CPB1: variants seen among roughly 807,000 people sequenced by gnomAD.
The protein encoded by CPB1 is carboxypeptidase B1.
In CPB1, 53 loss-of-function variants were observed where a neutral mutation model predicts 51.4. The ratio of observed to expected loss-of-function variants is 1.03; its 90% CI spans 0.83 to 1.30. The LOEUF is 1.30. CPB1 is among the 50% of genes most tolerant of loss of function. The pLI is 0.00. For missense variants in CPB1, 494 were observed against 516.2 expected, an observed-to-expected ratio of 0.96 and a Z score of 0.42; for synonymous variants, 189 against 186.9, an observed-to-expected ratio of 1.01 and a Z score of -0.09.
Position 148,846,825 on chromosome 3 carries a change from A to G in CPB1, c.981+1199A>G, listed in dbSNP as rs569621984. Among the ~76,000 whole-genome samples the G allele has an allele frequency of 6.7e-3, 741 of 110,636 alleles. 38 individuals carry two copies. The highest frequency in any genetic ancestry group is 0.023 in the African/African-American group (630 of 27,122). The allele number at this position is 110,636 out of a possible 152,430, so 72.6% of individuals were successfully genotyped here. Reference sequence around the variant, plus strand: ...TATATATATATATATATATATATATATATATATATATATATATGTTAGCAC... The same window carrying G: ...TATATATATATATATATATATATATGTATATATATATATATATGTTAGCAC... On this transcript the variant is annotated intron_variant, in intron 9 of 10. Coordinates refer to ENST00000282957, the MANE Select transcript of CPB1 (RefSeq NM_001871.3).
intron 9 of CPB1, among the ~76,000 whole-genome samples, chr3:148,847,846 T>TG (rs1713301622): frequency 6.6e-6 from 1 of 152,136 alleles, no homozygotes; most frequent in African/African-American, 2.4e-5. Context: ...ACAAGACAGG[T>TG]AACTAAAATG....
intron 9 of CPB1, chr3:148,854,628 C>A (rs1713523726): frequency 6.6e-6 from 1 of 152,194 alleles, no homozygotes; most frequent in Non-Finnish European, 1.5e-5. Context: ...GCACTCTGTA[C>A]CTCCACCCAA....
intron 2 of CPB1, among the ~76,000 whole-genome samples, chr3:148,828,889 G>A (rs575830629): frequency 3.3e-5 from 5 of 152,182 alleles, no homozygotes; most frequent in African/African-American, 1.2e-4. Flanking sequence ...ATAATCACAG[G>A]CTCAGAAGTT....
At chr3:148,847,372 TA>T (rs3043983) in intron 9 of CPB1, among the ~76,000 whole-genome samples, 10,713 of 86,574 alleles carry the variant, frequency 0.12, 500 homozygotes, top group Middle Eastern at 0.18. Flanking sequence ...AAATCATTCT[TA>T]AAAAAAAAAA....
chr3:148,852,608 A>G (rs1713463421), intron 9 of CPB1, among the ~76,000 whole-genome samples: 1 of 152,224 alleles, frequency 6.6e-6, no homozygotes, highest in Admixed American at 6.5e-5. Flanking sequence ...GAACCTACAA[A>G]TCCCCCATTA....
intron 8 of CPB1, among the ~76,000 whole-genome samples, chr3:148,844,983 A>G (rs1314701201): frequency 2.0e-5 from 3 of 152,142 alleles, no homozygotes; most frequent in South Asian, 2.1e-4. Context: ...TGCTGAAAAT[A>G]TAAGGCTGAA....
At chr3:148,842,861 G>A (rs368199312) in intron 6 of CPB1, among the ~76,000 whole-genome samples, 1 of 152,226 alleles carries the variant, frequency 6.6e-6, no homozygotes, top group Non-Finnish European at 1.5e-5. Context: ...TCAATATAAC[G>A]TAGCTTCAGA....
chr3:148,832,546 A>T (rs942471653), intron 2 of CPB1, among the ~76,000 whole-genome samples: 1 of 152,224 alleles, frequency 6.6e-6, no homozygotes, highest in African/African-American at 2.4e-5. Context: ...AAGGCAGCCA[A>T]CAAAGGAAAC....
intron 8 of CPB1, among the ~76,000 whole-genome samples, chr3:148,845,003 C>G (rs1450535718): frequency 6.6e-6 from 1 of 151,716 alleles, no homozygotes; most frequent in Non-Finnish European, 1.5e-5. Context: ...ACAAACCAGA[C>G]ATAATCCTAC....
At chr3:148,856,360 G>A (rs931085777) in intron 9 of CPB1, 4 of 152,086 alleles carry the variant, frequency 2.6e-5, no homozygotes, top group African/African-American at 7.2e-5. Flanking sequence ...GAAGTCTTAC[G>A]GCCACGCCCT....
In CPB1 at chr3:148,840,875, T is replaced by C. The variant is rs767038356; in HGVS notation, c.374T>C (p.Ile125Thr). 36 of 1,614,054 alleles carry C rather than the reference T, an allele frequency of 2.2e-5. No individual in the cohort carries two copies. Among genetic ancestry groups the C allele is most frequent in the Non-Finnish European group, 2.7e-5 (32 of 1,180,000 alleles). The change falls in exon 5 of 11, where the codon ATA (isoleucine) becomes ACA (threonine). Residue 125 changes from isoleucine to threonine, a missense_variant and splice_region_variant. Physicochemically the swap from Ile to Thr is moderately conservative, Grantham distance 89. Transcript: ENST00000282957. Reference protein sequence around the residue: ...SYEKYNKWETIEAWTQQVATE... With the variant: ...SYEKYNKWETTEAWTQQVATE... Reference sequence around the variant, plus strand: ...TCTACAAATGATTCCATTTGGTAGATAGAGGCTTGGACTCAACAAGTCGCC... The same window carrying C: ...TCTACAAATGATTCCATTTGGTAGACAGAGGCTTGGACTCAACAAGTCGCC...
chr3:148,857,536 C>T lies in CPB1; in HGVS notation c.1061C>T (p.Thr354Ile). 1 of 1,613,132 alleles carries T rather than the reference C, an allele frequency of 6.2e-7. No homozygotes were observed. Among genetic ancestry groups the T allele is most frequent in the Non-Finnish European group, 8.5e-7 (1 of 1,179,120 alleles). ...TKYTYGPGATTIYPAAGGSDD... is the reference protein window; with the variant it reads ...TKYTYGPGATIIYPAAGGSDD... ...TACACATATGGCCCGGGAGCTACAA[C>T]AATCTGTGAGTCTTGGCTTCAGAAC... Residue 354 changes from threonine to isoleucine, a missense_variant, in exon 10 of 11, where the codon ACA becomes ATA. By Grantham distance (89) the Thr-to-Ile change is moderately conservative. Coordinates refer to ENST00000282957, the MANE Select transcript of CPB1 (RefSeq NM_001871.3).
chr3:148,840,590 G>A, intron 3 of CPB1, 96 bp from the exon 4 acceptor site: 1 of 969,212 alleles, frequency 1.0e-6, no homozygotes. Context: ...AGTGCAATGT[G>A]CCATCTACTA....
At chr3:148,858,098 T>A (rs1036470086) in intron 10 of CPB1, among the ~76,000 whole-genome samples, 1 of 151,944 alleles carries the variant, frequency 6.6e-6, no homozygotes, top group Non-Finnish European at 1.5e-5. Context: ...GAACTAGCAG[T>A]AGGGAAGCAG....
chr3:148,830,484 G>T (rs1051934909), intron 2 of CPB1, among the ~76,000 whole-genome samples: 8 of 152,132 alleles, frequency 5.3e-5, no homozygotes, highest in Non-Finnish European at 5.9e-5. Flanking sequence ...ATAGGAGATT[G>T]TTGTGAGAGG....
At chr3:148,849,601 A>C (rs1713363246) in intron 9 of CPB1, among the ~76,000 whole-genome samples, 1 of 152,082 alleles carries the variant, frequency 6.6e-6, no homozygotes, top group South Asian at 2.1e-4. Flanking sequence ...ACAACTTCAA[A>C]GTGAAAAATG....
intron 9 of CPB1, among the ~76,000 whole-genome samples, chr3:148,848,694 T>C (rs921473998): frequency 6.6e-6 from 1 of 152,194 alleles, no homozygotes; most frequent in Non-Finnish European, 1.5e-5. Flanking sequence ...TGATTTTACA[T>C]GTAGCTTGCC....
intron 10 of CPB1, 146 bp downstream of exon 10, chr3:148,857,687 T>C (rs1559962805): frequency 1.2e-5 from 4 of 337,202 alleles, no homozygotes; most frequent in Non-Finnish European, 1.9e-5. Flanking sequence ...CAGTTTTCTG[T>C]TCAAAAAAAA....
chr3:148,830,093 C>A (rs1175493050), intron 2 of CPB1, among the ~76,000 whole-genome samples: 1 of 152,184 alleles, frequency 6.6e-6, no homozygotes, highest in East Asian at 1.9e-4. Context: ...GAGACCACAG[C>A]TTCCTTTCCT....
Sources: gnomAD v4.1 joint callset for allele counts (sites outside exome capture counted in the v4.1 genomes callset) on GRCh38, gnomAD v4.1.1 for gene constraint, MANE v1.5 for transcripts, NCBI Gene and HGNC (gene_info 2026-07-23, HGNC 2026-07-21) for gene names.